SAMMSON: variants seen among roughly 807,000 people sequenced by gnomAD.
SAMMSON encodes the protein long intergenic non-protein coding RNA 1212.
At chr3:70,057,221 G>A (rs2067171014) in intron 3 of SAMMSON, among the ~76,000 whole-genome samples, 1 of 151,998 alleles carries the variant, frequency 6.6e-6, no homozygotes, top group Non-Finnish European at 1.5e-5. Flanking sequence ...TGTTATTGGG[G>A]AAAGGGGGTT....
At chr3:70,238,614 A>G (rs1187116836) in intron 4 of SAMMSON, among the ~76,000 whole-genome samples, 1 of 151,758 alleles carries the variant, frequency 6.6e-6, no homozygotes, top group East Asian at 2.0e-4. Context: ...TGTCTCAAAA[A>G]AGAAAAAAAA....
chr3:70,418,129 T>C (rs1327150900), intron 2 of SAMMSON, among the ~76,000 whole-genome samples: 1 of 152,226 alleles, frequency 6.6e-6, no homozygotes, highest in Non-Finnish European at 1.5e-5. Context: ...TGCTGACTAG[T>C]GTTGACTTCT....
rs545451043 is a variant in SAMMSON, at chr3:70,306,319, G to T, written n.739+15076G>T. Among the ~76,000 whole-genome samples the T allele has an allele frequency of 2.2e-4, 34 of 152,176 alleles. No homozygotes were observed. The East Asian group carries it at 3.7e-3, about 16-fold the overall frequency. The stretch of plus-strand genomic sequence containing the variant: ...GTAAAGACGGGGTTTCACCATGTTG[G>T]CCAGGCTGGTCTCAAACTCCTGACC... On this transcript the variant is annotated intron_variant and non_coding_transcript_variant, in intron 7 of 9. Transcript: ENST00000642114.
intron 4 of SAMMSON, among the ~76,000 whole-genome samples, chr3:70,180,350 TAAC>T (rs1200855435): frequency 6.6e-6 from 1 of 152,114 alleles, no homozygotes; most frequent in Non-Finnish European, 1.5e-5. Context: ...ACTCCAATAA[TAAC>T]AACAATAATA....
intron 8 of SAMMSON, among the ~76,000 whole-genome samples, chr3:70,356,480 T>C (rs1702830000): frequency 6.6e-6 from 1 of 152,130 alleles, no homozygotes; most frequent in Admixed American, 6.6e-5. Flanking sequence ...ATCGAATATA[T>C]TTTAAAATTT....
At chr3:70,304,419 G>C (rs565535086) in intron 7 of SAMMSON, among the ~76,000 whole-genome samples, 22 of 152,090 alleles carry the variant, frequency 1.4e-4, no homozygotes, top group Non-Finnish European at 3.2e-4. Context: ...CAGTTTCCAT[G>C]GGGATACCTC....
intron 4 of SAMMSON, among the ~76,000 whole-genome samples, chr3:70,127,478 G>A (rs1348539316): frequency 1.3e-5 from 2 of 152,150 alleles, no homozygotes; most frequent in Admixed American, 6.5e-5. Flanking sequence ...CAGGGAAGTT[G>A]ATAATGGCTG....
chr3:70,231,842 G>T (rs1421894681), intron 4 of SAMMSON, among the ~76,000 whole-genome samples: 3 of 152,102 alleles, frequency 2.0e-5, no homozygotes, highest in Non-Finnish European at 4.4e-5. Flanking sequence ...TTCTCATCTG[G>T]AAGCTACTAA....
chr3:70,205,643 G>A (rs1476738065), intron 4 of SAMMSON: 1 of 151,996 alleles, frequency 6.6e-6, no homozygotes, highest in African/African-American at 2.4e-5. Context: ...TTTAAAAAAC[G>A]TGTCCAGTAC....
intron 4 of SAMMSON, among the ~76,000 whole-genome samples, chr3:70,222,814 A>G (rs954798553): frequency 3.9e-5 from 6 of 152,166 alleles, no homozygotes; most frequent in Non-Finnish European, 4.4e-5. Context: ...TCCCTAAGAT[A>G]GCTCCATAAG....
chr3:70,099,992 G>C (rs1305209256), intron 4 of SAMMSON, among the ~76,000 whole-genome samples: 1 of 152,134 alleles, frequency 6.6e-6, no homozygotes, highest in African/African-American at 2.4e-5. Flanking sequence ...TATGGCTTTG[G>C]TGAAGCCTTC....
At chr3:70,357,623 G>GTCAA (rs1702839089) in intron 8 of SAMMSON, among the ~76,000 whole-genome samples, 1 of 151,960 alleles carries the variant, frequency 6.6e-6, no homozygotes. Flanking sequence ...TAGAAGATGG[G>GTCAA]TCAATGGGTG....
chr3:70,346,568 G>C (rs1426005768), intron 7 of SAMMSON, among the ~76,000 whole-genome samples: 1 of 152,054 alleles, frequency 6.6e-6, no homozygotes, highest in Non-Finnish European at 1.5e-5. Flanking sequence ...AGAGGAAAGA[G>C]TTATCCTAAA....
chr3:70,174,686 G>GA (rs1274968874), intron 4 of SAMMSON, among the ~76,000 whole-genome samples: 14 of 151,862 alleles, frequency 9.2e-5, no homozygotes, highest in Admixed American at 2.0e-4. Context: ...GCCTACAAAT[G>GA]AAAAAATATT....
intron 4 of SAMMSON, among the ~76,000 whole-genome samples, chr3:70,169,027 C>T (rs542828389): frequency 6.6e-6 from 1 of 152,040 alleles, no homozygotes; most frequent in South Asian, 2.1e-4. Flanking sequence ...GGCCCCTGTC[C>T]AGAAGGAGTT....
At chr3:70,081,146 C>T (rs1225046576) in intron 4 of SAMMSON, among the ~76,000 whole-genome samples, 2 of 152,204 alleles carry the variant, frequency 1.3e-5, no homozygotes, top group Non-Finnish European at 2.9e-5. Flanking sequence ...CGGAGTCTCA[C>T]TCTGTCACCC....
intron 4 of SAMMSON, among the ~76,000 whole-genome samples, chr3:70,085,831 A>G (rs563650918): frequency 1.9e-4 from 29 of 152,326 alleles, no homozygotes; most frequent in African/African-American, 7.0e-4. Flanking sequence ...TGTGAGACAC[A>G]GAGCAATAGA....
chr3:70,315,168 A>G (rs1446204770), intron 7 of SAMMSON, among the ~76,000 whole-genome samples: 2 of 152,184 alleles, frequency 1.3e-5, no homozygotes, highest in African/African-American at 4.8e-5. Context: ...GTGGTGACTA[A>G]TTTGGACATA....
chr3:70,112,765 T>G (rs1325689957), intron 4 of SAMMSON, among the ~76,000 whole-genome samples: 1 of 152,188 alleles, frequency 6.6e-6, no homozygotes, highest in East Asian at 1.9e-4. Flanking sequence ...GATATTTAAA[T>G]TCGTTTTCAA....
Sources: allele counts gnomAD v4.1 joint callset (sites outside exome capture counted in the v4.1 genomes callset), GRCh38; gene constraint gnomAD v4.1.1; transcripts MANE v1.5; gene names NCBI Gene and HGNC (gene_info 2026-07-23, HGNC 2026-07-21).